CHN1: variants seen among roughly 807,000 people sequenced by gnomAD.
CHN1 encodes the protein chimerin 1.
Under a neutral mutation model 59.5 loss-of-function variants are expected in CHN1, and 37 were observed. That is an observed-to-expected ratio of 0.62 (90% CI 0.48 to 0.82). The LOEUF (loss-of-function observed/expected upper bound fraction) is 0.82. CHN1 is among the 40% of genes least tolerant of loss of function. The probability of loss-of-function intolerance (pLI) is 0.00; values close to 1 mark genes in which losing one functional copy is unlikely to be tolerated. For missense variants in CHN1, 469 were observed against 571.0 expected (o/e 0.82, Z 1.82); for synonymous variants, 206 against 200.4 (o/e 1.03, Z -0.24).
intron 7 of CHN1, among the ~76,000 whole-genome samples, chr2:174,833,027 A>G (rs1206458289): frequency 6.6e-6 from 1 of 152,138 alleles, no homozygotes; most frequent in African/African-American, 2.4e-5. Context: ...ACACATGGTT[A>G]TATTTGTCTT....
At chr2:174,830,028 C>T (rs943371145) in intron 7 of CHN1, among the ~76,000 whole-genome samples, 1 of 152,034 alleles carries the variant, frequency 6.6e-6, no homozygotes. Context: ...GTCAAGAGAT[C>T]GAGACTATCT....
At position 174,971,439 on chromosome 2, in the gene CHN1, A is replaced by AT. The variant is rs1559003980; in HGVS notation, c.20-19238_20-19237insA. Among the ~76,000 whole-genome samples, 17 of 152,358 alleles carry AT rather than the reference A, an allele frequency of 1.1e-4. No individual in the cohort carries two copies. The South Asian group carries it at 3.3e-3, about 30-fold the overall frequency. On this transcript the variant is annotated intron_variant, in intron 1 of 12. Transcript: ENST00000409900. ...AATTTCAAATTCAGTAAATAGCAAC[A>AT]CATATAACCCACATAACAAATGCAC...
At chr2:174,950,267 T>C (rs1471734116) in intron 2 of CHN1, among the ~76,000 whole-genome samples, 1 of 151,294 alleles carries the variant, frequency 6.6e-6, no homozygotes, top group Non-Finnish European at 1.5e-5. Context: ...TTTTTTAATG[T>C]CTTTTTTTTT....
intron 5 of CHN1, among the ~76,000 whole-genome samples, chr2:174,891,188 T>G (rs1015347241): frequency 5.5e-5 from 8 of 146,170 alleles, no homozygotes; most frequent in Non-Finnish European, 1.1e-4. Context: ...ACTAAAAAAT[T>G]CACAAATATG....
intron 7 of CHN1, among the ~76,000 whole-genome samples, chr2:174,826,391 T>C (rs1328870322): frequency 1.3e-5 from 2 of 152,216 alleles, no homozygotes; most frequent in Non-Finnish European, 1.5e-5. Flanking sequence ...AAGAGAGTTA[T>C]ATAATCATGA....
In CHN1 at chr2:174,869,731, A is replaced by G. The variant is rs544164113; in HGVS notation, c.549+8109T>C. ...ATGGGCTCATTTGTAGAGTTTCCAC[A>G]TTATAAATAAAAACAGAACTTTCTC... On this transcript the variant is annotated intron_variant, in intron 6 of 12. Coordinates refer to ENST00000409900, the MANE Select transcript of CHN1 (RefSeq NM_001822.7). Among the ~76,000 whole-genome samples, 3 of 152,330 alleles carry G rather than the reference A, an allele frequency of 2.0e-5. No individual in the cohort carries two copies. In the South Asian group the frequency reaches 6.2e-4, roughly 32 times the overall value.
chr2:174,844,596 T>C (rs1686440031), intron 7 of CHN1, among the ~76,000 whole-genome samples: 1 of 152,216 alleles, frequency 6.6e-6, no homozygotes, highest in African/African-American at 2.4e-5. Context: ...CCCACACAAA[T>C]TTCTGAACTG....
rs191857026 is a variant in CHN1, at chr2:174,984,665, C to T, written c.19+20229G>A. ...TACAGGCGTGAGCCACTGTGCCTGG[C>T]TGTGTTTTATTAGCTTCTAAAAAGA... is the stretch of plus-strand genomic sequence containing the variant. On this transcript the variant is annotated intron_variant, in intron 1 of 12. Transcript: ENST00000409900. Among the ~76,000 whole-genome samples the T allele has an allele frequency of 6.1e-4, 92 of 151,196 alleles. No homozygotes were observed. In the South Asian group the frequency reaches 8.1e-3, roughly 13 times the overall value.
intron 6 of CHN1, among the ~76,000 whole-genome samples, chr2:174,869,000 G>A (rs1161872286): frequency 6.6e-6 from 1 of 152,214 alleles, no homozygotes; most frequent in African/African-American, 2.4e-5. Context: ...CCCATCAACT[G>A]TGATCATGAG....
chr2:174,955,174 A>G (rs1315650951), intron 1 of CHN1, among the ~76,000 whole-genome samples: 1 of 11,992 alleles, frequency 8.3e-5, no homozygotes, highest in African/African-American at 1.9e-4. Context: ...ATATCTCTAT[A>G]TATCTATATC....
intron 3 of CHN1, among the ~76,000 whole-genome samples, chr2:174,919,102 T>TA (rs1273743949): frequency 6.6e-6 from 1 of 152,168 alleles, no homozygotes; most frequent in African/African-American, 2.4e-5. Context: ...CACAGGAAGA[T>TA]AGACAGCATT....
intron 1 of CHN1, among the ~76,000 whole-genome samples, chr2:174,955,178 C>CTATATATA (rs1363473786): frequency 9.0e-5 from 1 of 11,052 alleles, no homozygotes; most frequent in Non-Finnish European, 2.6e-4. Context: ...CTCTATATAT[C>CTATATATA]TATATCTATA....
intron 1 of CHN1, among the ~76,000 whole-genome samples, chr2:174,963,749 T>C (rs1450781403): frequency 6.6e-6 from 1 of 152,112 alleles, no homozygotes; most frequent in Non-Finnish European, 1.5e-5. Context: ...AGCTCACTTC[T>C]CAAGAGTCGG....
intron 7 of CHN1, among the ~76,000 whole-genome samples, chr2:174,838,222 T>A (rs1179867926): frequency 1.3e-5 from 2 of 152,134 alleles, no homozygotes; most frequent in Non-Finnish European, 2.9e-5. Context: ...GCCTCCCAAG[T>A]AGCTGGGATT....
intron 10 of CHN1, among the ~76,000 whole-genome samples, chr2:174,809,499 C>A (rs1685006708): frequency 6.6e-6 from 1 of 152,156 alleles, no homozygotes; most frequent in Non-Finnish European, 1.5e-5. Context: ...GTTAACCAAT[C>A]AATGGAAAAT....
At chr2:174,895,217 C>T (rs200184518) in intron 5 of CHN1, among the ~76,000 whole-genome samples, 6,837 of 104,608 alleles carry the variant, frequency 0.065, 255 homozygotes, top group African/African-American at 0.12. Context: ...TATATATACA[C>T]ACACACACAC....
At chr2:174,886,502 C>T (rs1187719841) in intron 5 of CHN1, among the ~76,000 whole-genome samples, 1 of 152,074 alleles carries the variant, frequency 6.6e-6, no homozygotes, top group Non-Finnish European at 1.5e-5. Flanking sequence ...GCTTTTTATC[C>T]ACTGTAAGCT....
intron 6 of CHN1, among the ~76,000 whole-genome samples, chr2:174,877,097 T>C (rs948897517): frequency 1.3e-5 from 2 of 151,994 alleles, no homozygotes; most frequent in African/African-American, 4.8e-5. Context: ...ATCAGGAAAA[T>C]CTCTTACTTT....
At chr2:174,951,726 T>C (rs1690030143) in intron 2 of CHN1, among the ~76,000 whole-genome samples, 1 of 152,234 alleles carries the variant, frequency 6.6e-6, no homozygotes, top group African/African-American at 2.4e-5. Context: ...AAAGTAATTA[T>C]TTAAAAGTTA....
Sources: gnomAD v4.1 joint callset for allele counts (sites outside exome capture counted in the v4.1 genomes callset) on GRCh38, gnomAD v4.1.1 for gene constraint, MANE v1.5 for transcripts, NCBI Gene and HGNC (gene_info 2026-07-23, HGNC 2026-07-21) for gene names.